Variants in FAM117B observed in about 807,000 individuals in gnomAD.
FAM117B encodes the protein family with sequence similarity 117 member B.
Under a neutral mutation model 52.8 loss-of-function variants are expected in FAM117B, and 22 were observed. That is an observed-to-expected ratio of 0.42 (90% CI 0.30 to 0.59). The LOEUF is 0.59. Among genes scored for constraint, FAM117B ranks in the 20% least tolerant of loss-of-function variants. The pLI, the probability that FAM117B is intolerant of heterozygous loss-of-function variation, is 0.22. For synonymous variants in FAM117B, 309 were observed against 324.1 expected (o/e 0.95, Z 0.50); for missense variants, 678 against 802.6 (o/e 0.84, Z 1.88).
chr2:202,713,879 G>C (rs1690995751), intron 2 of FAM117B, among the ~76,000 whole-genome samples: 1 of 152,058 alleles, frequency 6.6e-6, no homozygotes, highest in Non-Finnish European at 1.5e-5. Context: ...ACTAATTTTT[G>C]TATTTTTAGT....
chr2:202,697,934 A>G (rs1452727719), intron 2 of FAM117B, among the ~76,000 whole-genome samples: 1 of 152,074 alleles, frequency 6.6e-6, no homozygotes, highest in Non-Finnish European at 1.5e-5. Flanking sequence ...CAGGGGCACA[A>G]TCTTGGCTCA....
chr2:202,647,398 AAAC>A (rs1689888223), intron 1 of FAM117B, among the ~76,000 whole-genome samples: 1 of 152,222 alleles, frequency 6.6e-6, no homozygotes, highest in Admixed American at 6.5e-5. Context: ...AAACTGAAAA[AAAC>A]AGTTTATTTA....
chr2:202,650,008 A>G (rs930099681), intron 1 of FAM117B, among the ~76,000 whole-genome samples: 1 of 151,772 alleles, frequency 6.6e-6, no homozygotes, highest in Non-Finnish European at 1.5e-5. Context: ...AGCTGGGATT[A>G]CAGACGCCTA....
chr2:202,684,807 G>C (rs1690514920), intron 1 of FAM117B, among the ~76,000 whole-genome samples: 1 of 152,228 alleles, frequency 6.6e-6, no homozygotes, highest in East Asian at 1.9e-4. Flanking sequence ...AAAGTGTTGT[G>C]ATTAGAGGCT....
chr2:202,644,350 A>G (rs1030447265), intron 1 of FAM117B, among the ~76,000 whole-genome samples: 2 of 152,136 alleles, frequency 1.3e-5, no homozygotes, highest in African/African-American at 4.8e-5. Flanking sequence ...ACCTATCACA[A>G]ATTTATCCCT....
chr2:202,660,479 G>T (rs776236096), intron 1 of FAM117B, among the ~76,000 whole-genome samples: 1 of 152,024 alleles, frequency 6.6e-6, no homozygotes, highest in Non-Finnish European at 1.5e-5. Flanking sequence ...CTGAGTGGTG[G>T]TCGGTATCTA....
At chr2:202,680,797 C>G (rs1191354682) in intron 1 of FAM117B, among the ~76,000 whole-genome samples, 1 of 152,082 alleles carries the variant, frequency 6.6e-6, no homozygotes, top group Non-Finnish European at 1.5e-5. Context: ...CATACAAAAC[C>G]TGAGAGTAAA....
intron 1 of FAM117B, among the ~76,000 whole-genome samples, chr2:202,655,761 A>AGAGAGAGAGT (rs1690046684): frequency 1.4e-4 from 14 of 100,366 alleles, no homozygotes; most frequent in Admixed American, 2.2e-4. Flanking sequence ...AGAGAGAGAG[A>AGAGAGAGAGT]GTGTGTGTGT....
chr2:202,666,889 C>T (rs1338845457), intron 1 of FAM117B, among the ~76,000 whole-genome samples: 2 of 151,990 alleles, frequency 1.3e-5, no homozygotes, highest in African/African-American at 4.8e-5. Context: ...TCGTGATCCA[C>T]CTGCCTCGGC....
intron 2 of FAM117B, among the ~76,000 whole-genome samples, chr2:202,714,348 G>A (rs1691004123): frequency 6.6e-6 from 1 of 151,978 alleles, no homozygotes; most frequent in African/African-American, 2.4e-5. Flanking sequence ...GATTGAGTCT[G>A]ATTTTTTTGT....
At chr2:202,745,245 A>C (rs972429665) in intron 4 of FAM117B, among the ~76,000 whole-genome samples, 1 of 151,366 alleles carries the variant, frequency 6.6e-6, no homozygotes, top group Non-Finnish European at 1.5e-5. Context: ...GTGTCACTGC[A>C]CTCCATCTTG....
chr2:202,762,681 C>T (rs576809270), intron 7 of FAM117B, among the ~76,000 whole-genome samples: 5 of 151,812 alleles, frequency 3.3e-5, no homozygotes, highest in South Asian at 2.1e-4. Flanking sequence ...ATGTGTAGGT[C>T]ACATATCCTG....
rs749664940 is a variant in FAM117B at position 202,769,615 on chromosome 2, T to G, written c.*3851T>G. 4.6e-5 allele frequency: 7 copies of G among 152,662 alleles called. No individual in the cohort carries two copies. Among genetic ancestry groups the G allele is most frequent in the Non-Finnish European group, 1.0e-4 (7 of 68,038 alleles). The allele number at this position is 152,662 out of a possible 1,614,324, so 9.5% of individuals were successfully genotyped here. A position where few individuals can be genotyped will look rare whatever the true frequency, so the allele number is the denominator to read the frequency against. On this transcript the variant is annotated 3_prime_UTR_variant, in exon 8 of 8. Transcript: ENST00000392238. ...TGCAATTTAAAACATTTTGTTATTC[T>G]AACAATTCTCTCAAAAAACAGCATT... is the stretch of plus-strand genomic sequence containing the variant.
At chr2:202,691,501 T>TA (rs35033554) in intron 1 of FAM117B, among the ~76,000 whole-genome samples, 6,918 of 150,150 alleles carry the variant, frequency 0.046, 553 homozygotes, top group African/African-American at 0.16. Flanking sequence ...GATTTTTAAT[T>TA]AAAAAAAAAA....
At chr2:202,659,785 T>C (rs1690103033) in intron 1 of FAM117B, among the ~76,000 whole-genome samples, 1 of 151,738 alleles carries the variant, frequency 6.6e-6, no homozygotes, top group Admixed American at 6.6e-5. Context: ...CAGTTTTTTA[T>C]TTTTATTTCA....
At chr2:202,675,798 C>T (rs1690369770) in intron 1 of FAM117B, among the ~76,000 whole-genome samples, 1 of 151,688 alleles carries the variant, frequency 6.6e-6, no homozygotes, top group African/African-American at 2.4e-5. Context: ...CAGCCTGGCC[C>T]ACATGGTGAA....
chr2:202,758,563 A>G lies in FAM117B; in HGVS notation c.1331-670A>G, dbSNP rs145093398. The stretch of plus-strand genomic sequence containing the variant: ...GGAGTTTGTAGCTTAGCTGGTACAG[A>G]CTGAAAATTTAGAACAGATATTTAA... On this transcript the variant is annotated intron_variant, in intron 6 of 7. Transcript: ENST00000392238. Among the ~76,000 whole-genome samples the G allele has an allele frequency of 7.9e-3, 1,206 of 152,362 alleles. 11 individuals are homozygous for G. Among genetic ancestry groups the G allele is most frequent in the South Asian group, 0.034 (166 of 4,826 alleles).
At chr2:202,645,450 C>G (rs370463143) in intron 1 of FAM117B, among the ~76,000 whole-genome samples, 2 of 150,768 alleles carry the variant, frequency 1.3e-5, no homozygotes, top group Admixed American at 6.6e-5. Context: ...CCACCTCGCC[C>G]GGCTAATTTT....
chr2:202,635,596 C>T lies in FAM117B; in HGVS notation c.409C>T (p.Pro137Ser). The T allele has an allele frequency of 3.2e-6, 4 of 1,264,602 alleles. No individual in the cohort carries two copies. The highest frequency in any genetic ancestry group is 3.0e-6 in the Non-Finnish European group (3 of 1,010,760). 78.3% of individuals were successfully genotyped at this position (1,264,602 alleles called of 1,614,324 possible). ...CGCCGCGCCTGGAGCTCGCGGGAGC[C>T]CCCCACGGCCGCCGCCGCCGCCGCC... Reference protein sequence around the residue: ...RSAAPGARGSPPRPPPPPPLL... With the variant: ...RSAAPGARGSSPRPPPPPPLL... Residue 137 changes from proline to serine, a missense_variant, in exon 1 of 8, where the codon CCC (proline) becomes TCC (serine). By Grantham distance (74) the Pro-to-Ser change is moderately conservative (BLOSUM62 -1). This residue lies in a region of FAM117B where 583 missense variants were observed against 644.8 expected (regional missense o/e 0.90). Transcript: ENST00000392238.
Sources: gnomAD v4.1 joint callset for allele counts (sites outside exome capture counted in the v4.1 genomes callset) on GRCh38, gnomAD v4.1.1 for gene constraint, gnomAD v4.1.1 regional missense constraint, MANE v1.5 for transcripts, NCBI Gene and HGNC (gene_info 2026-07-23, HGNC 2026-07-21) for gene names.